ANKRD36C: variants seen among roughly 807,000 people sequenced by gnomAD.
ANKRD36C encodes ankyrin repeat domain 36C, also known as ankyrin repeat domain-containing protein 36C.
In ANKRD36C, 61 loss-of-function variants were observed where a neutral mutation model predicts 276.4. The ratio of observed to expected loss-of-function variants is 0.22; its 90% confidence interval spans 0.18 to 0.27. The LOEUF (loss-of-function observed/expected upper bound fraction) is 0.27, where lower values mean the gene tolerates loss of function less well. ANKRD36C is among the 10% of genes least tolerant of loss of function. The pLI, the probability that ANKRD36C is intolerant of heterozygous loss-of-function variation, is 1.00. For synonymous variants in ANKRD36C, 483 were observed against 680.1 expected, an observed-to-expected ratio of 0.71 and a Z score of 4.51; for missense variants, 1,447 against 2,032.3, an observed-to-expected ratio of 0.71 and a Z score of 5.54.
intron 42 of ANKRD36C, 106 bp downstream of exon 48, chr2:95,908,396 G>C (rs1009997941): frequency 1.7e-6 from 2 of 1,198,204 alleles, no homozygotes; most frequent in African/African-American, 1.5e-5. Context: ...CAGGACTGCT[G>C]AATCAGAATG....
chr2:95,873,285 C>T (rs544620625), intron 59 of ANKRD36C, among the ~76,000 whole-genome samples: 1 of 152,216 alleles, frequency 6.6e-6, no homozygotes, highest in African/African-American at 2.4e-5. Flanking sequence ...ATGGGCAAAC[C>T]AAATCCAGCA....
chr2:95,889,701 A>G, intron 48 of ANKRD36C, 98 bp downstream of exon 68: 7 of 1,439,194 alleles, frequency 4.9e-6, no homozygotes, highest in Non-Finnish European at 6.7e-6. Flanking sequence ...CTGAATCAGA[A>G]CATGAAGATT....
At chr2:95,913,406 T>C (rs1260876297) in intron 40 of ANKRD36C, among the ~76,000 whole-genome samples, 1 of 151,434 alleles carries the variant, frequency 6.6e-6, no homozygotes, top group Non-Finnish European at 1.5e-5. Flanking sequence ...ATCTCATTTT[T>C]ATAACTAAAA....
chr2:95,884,063 T>A (rs1676144828), intron 54 of ANKRD36C, 110 bp downstream of exon 74: 1 of 1,265,430 alleles, frequency 7.9e-7, no homozygotes, highest in Admixed American at 2.2e-5. Flanking sequence ...ATCTCAGGTC[T>A]GCAGAATCAG....
At chr2:95,966,998 T>C (rs1194299625) in intron 6 of ANKRD36C, among the ~76,000 whole-genome samples, 3 of 152,190 alleles carry the variant, frequency 2.0e-5, no homozygotes, top group Admixed American at 2.0e-4. Context: ...TTTTGCACAT[T>C]GACTTTGTAT....
intron 60 of ANKRD36C, among the ~76,000 whole-genome samples, chr2:95,863,869 G>A (rs1274512554): frequency 6.6e-6 from 1 of 152,020 alleles, no homozygotes; most frequent in Non-Finnish European, 1.5e-5. Context: ...GATTTTTAGG[G>A]AAGTCAAAAT....
intron 22 of ANKRD36C, among the ~76,000 whole-genome samples, chr2:95,938,178 T>C (rs1179437777): frequency 6.6e-6 from 1 of 152,224 alleles, no homozygotes; most frequent in Non-Finnish European, 1.5e-5. Flanking sequence ...TGCATTGCAG[T>C]GACTTAAAAG....
At chr2:95,891,942 C>A (rs1676375852) in intron 44 of ANKRD36C, 82 bp from the exon 65 acceptor site, 2 of 1,539,852 alleles carry the variant, frequency 1.3e-6, no homozygotes. Context: ...TTAGCATCAA[C>A]CTCTGTCCTC....
At chr2:95,892,010 T>G (rs368092612) in intron 44 of ANKRD36C, 150 bp from the exon 65 acceptor site, 37 of 1,355,320 alleles carry the variant, frequency 2.7e-5, no homozygotes, top group South Asian at 2.2e-4. Flanking sequence ...GACTAGAACA[T>G]GACAGAAATA....
intron 38 of ANKRD36C, among the ~76,000 whole-genome samples, chr2:95,914,794 CT>C (rs1677043082): frequency 6.6e-6 from 1 of 151,516 alleles, no homozygotes; most frequent in Non-Finnish European, 1.5e-5. Context: ...TGAACTTACA[CT>C]TCACATCTCT....
At chr2:95,939,980 C>G (rs369948240) in intron 20 of ANKRD36C, among the ~76,000 whole-genome samples, 6,624 of 104,910 alleles carry the variant, frequency 0.063, no homozygotes, top group Middle Eastern at 0.11. Flanking sequence ...AACCAAAAAT[C>G]TCTGAATCAC....
intron 8 of ANKRD36C, among the ~76,000 whole-genome samples, chr2:95,961,003 A>G (rs1355477660): frequency 6.6e-6 from 1 of 152,044 alleles, no homozygotes; most frequent in Non-Finnish European, 1.5e-5. Context: ...ACACTTGGGA[A>G]TCAATGTCGA....
At chr2:95,940,992 TTAAATTTATTTTAAATTA>T (rs1330682003) in intron 20 of ANKRD36C, among the ~76,000 whole-genome samples, 150 bp downstream of exon 20, 1 of 149,452 alleles carries the variant, frequency 6.7e-6, no homozygotes, top group Non-Finnish European at 1.5e-5. Flanking sequence ...TAATTTAATT[TTAAATTTATTTTAAATTA>T]TAGTTATATT....
intron 34 of ANKRD36C, among the ~76,000 whole-genome samples, chr2:95,920,426 G>A (rs1320106204): frequency 1.5e-5 from 2 of 132,582 alleles, no homozygotes; most frequent in African/African-American, 2.6e-5. Flanking sequence ...ATCCCCTTCA[G>A]TGGAAGTGTC....
chr2:95,868,224 C>T (rs957446673), intron 59 of ANKRD36C, among the ~76,000 whole-genome samples: 34 of 151,886 alleles, frequency 2.2e-4, no homozygotes, highest in African/African-American at 7.7e-4. Context: ...TGTCACATAA[C>T]GGCTTCTGGA....
intron 24 of ANKRD36C, among the ~76,000 whole-genome samples, chr2:95,930,240 C>A (rs894493813): frequency 6.6e-6 from 1 of 151,518 alleles, no homozygotes; most frequent in South Asian, 2.1e-4. Flanking sequence ...TTTGAATAAC[C>A]AATGTCAACA....
exon 40 of ANKRD36C, chr2:95,914,116 G>A: frequency 6.4e-7 from 1 of 1,568,608 alleles, no homozygotes; most frequent in South Asian, 1.2e-5. Context: ...ACCTCTCCTA[G>A]TTTTTTCTCC....
intron 44 of ANKRD36C, among the ~76,000 whole-genome samples, chr2:95,898,580 TA>T (rs1175502797): frequency 1.3e-5 from 1 of 78,342 alleles, no homozygotes; most frequent in Admixed American, 1.5e-4. Flanking sequence ...AAGTATTTTT[TA>T]TTAAAATATT....
chr2:95,930,598 T>C (rs1677538606), intron 24 of ANKRD36C, among the ~76,000 whole-genome samples: 1 of 151,238 alleles, frequency 6.6e-6, no homozygotes, highest in Non-Finnish European at 1.5e-5. Flanking sequence ...AAACAAAGTT[T>C]CTAAATCACT....
Sources: allele counts gnomAD v4.1 joint callset (sites outside exome capture counted in the v4.1 genomes callset), GRCh38; gene constraint gnomAD v4.1.1; transcripts MANE v1.5; gene names NCBI Gene and HGNC (gene_info 2026-07-23, HGNC 2026-07-21).